The following GABRB1 variants were observed in gnomAD, a reference collection of about 807,000 sequenced individuals.
GABRB1 encodes the protein gamma-aminobutyric acid type A receptor subunit beta1.
Under a neutral mutation model 51.6 loss-of-function variants are expected in GABRB1, and 17 were observed. The ratio of observed to expected loss-of-function variants is 0.33; its 90% CI spans 0.23 to 0.49. The LOEUF (loss-of-function observed/expected upper bound fraction) is 0.49. Among genes scored for constraint, GABRB1 ranks in the 20% least tolerant of loss-of-function variants. The pLI is 0.99. For missense variants in GABRB1, 410 were observed against 600.6 expected, an observed-to-expected ratio of 0.68 and a Z score of 3.32; for synonymous variants, 247 against 218.9, an observed-to-expected ratio of 1.13 and a Z score of -1.14.
At chr4:47,144,867 G>A (rs528913975) in intron 3 of GABRB1, among the ~76,000 whole-genome samples, 2 of 151,942 alleles carry the variant, frequency 1.3e-5, no homozygotes, top group South Asian at 4.2e-4. Flanking sequence ...TATAGAGTTG[G>A]GAAACAGATG....
chr4:47,093,253 A>G (rs938911242), intron 3 of GABRB1, among the ~76,000 whole-genome samples: 5 of 152,202 alleles, frequency 3.3e-5, no homozygotes, highest in Non-Finnish European at 7.3e-5. Flanking sequence ...GAATTCTATG[A>G]TTTACCAGTT....
chr4:47,311,382 A>T (rs527837886), intron 4 of GABRB1, among the ~76,000 whole-genome samples: 9 of 149,300 alleles, frequency 6.0e-5, no homozygotes, highest in South Asian at 2.2e-4. Flanking sequence ...ACTGCACTCC[A>T]GCCTGGATAA....
At chr4:47,191,824 T>C (rs1313108569) in intron 4 of GABRB1, among the ~76,000 whole-genome samples, 4 of 151,848 alleles carry the variant, frequency 2.6e-5, no homozygotes, top group Non-Finnish European at 5.9e-5. Flanking sequence ...AAACTGAAAA[T>C]ACAACAGATG....
At chr4:47,126,096 A>G (rs754621701) in intron 3 of GABRB1, among the ~76,000 whole-genome samples, 2 of 152,030 alleles carry the variant, frequency 1.3e-5, no homozygotes, top group Non-Finnish European at 2.9e-5. Context: ...ACACAATGCA[A>G]TATTATCCAG....
At chr4:47,135,387 C>T (rs1716597807) in intron 3 of GABRB1, among the ~76,000 whole-genome samples, 1 of 151,964 alleles carries the variant, frequency 6.6e-6, no homozygotes, top group Non-Finnish European at 1.5e-5. Context: ...TATGGCAGCC[C>T]ACATTACTTC....
At chr4:47,057,030 T>C (rs1325861648) in intron 3 of GABRB1, among the ~76,000 whole-genome samples, 15 of 152,058 alleles carry the variant, frequency 9.9e-5, no homozygotes, top group Admixed American at 6.6e-5. Context: ...CGCCTGACCC[T>C]GGGAGACGAG....
At chr4:47,217,359 C>A (rs1019691459) in intron 4 of GABRB1, among the ~76,000 whole-genome samples, 5 of 151,662 alleles carry the variant, frequency 3.3e-5, no homozygotes, top group Admixed American at 6.6e-5. Context: ...TTTTTCATAT[C>A]CCAACATAGC....
intron 5 of GABRB1, among the ~76,000 whole-genome samples, chr4:47,397,089 T>G (rs962167699): frequency 9.2e-5 from 14 of 152,218 alleles, no homozygotes; most frequent in African/African-American, 3.4e-4. Context: ...TTTTTGTCTC[T>G]TATTTACTTT....
chr4:47,244,945 A>C (rs1450167589), intron 4 of GABRB1, among the ~76,000 whole-genome samples: 1 of 152,176 alleles, frequency 6.6e-6, no homozygotes, highest in Non-Finnish European at 1.5e-5. Context: ...CTAGAGAAGC[A>C]AGAGCAAACG....
At chr4:47,285,442 C>T (rs1471040562) in intron 4 of GABRB1, among the ~76,000 whole-genome samples, 1 of 152,174 alleles carries the variant, frequency 6.6e-6, no homozygotes, top group African/African-American at 2.4e-5. Context: ...TTATATAGAA[C>T]GTACAATGAA....
chr4:47,353,035 GCACTTCTTA>G (rs1205186422), intron 5 of GABRB1, among the ~76,000 whole-genome samples: 1 of 152,124 alleles, frequency 6.6e-6, no homozygotes, highest in Non-Finnish European at 1.5e-5. Flanking sequence ...GAGGCAAAAG[GCACTTCTTA>G]CATGATGGCA....
intron 4 of GABRB1, among the ~76,000 whole-genome samples, chr4:47,237,742 A>G (rs1198591494): frequency 6.6e-6 from 1 of 152,036 alleles, no homozygotes; most frequent in Non-Finnish European, 1.5e-5. Context: ...GCACAGCCAC[A>G]CATAAATGAT....
chr4:47,148,902 C>T (rs778051338), intron 3 of GABRB1, among the ~76,000 whole-genome samples: 5 of 151,910 alleles, frequency 3.3e-5, no homozygotes, highest in Non-Finnish European at 7.4e-5. Context: ...AGAAGTCAGC[C>T]TTGGGCAACA....
At chr4:47,262,915 C>G (rs927453106) in intron 4 of GABRB1, among the ~76,000 whole-genome samples, 1 of 151,416 alleles carries the variant, frequency 6.6e-6, no homozygotes, top group African/African-American at 2.4e-5. Flanking sequence ...AAGCTGGAAA[C>G]CATCATTCTC....
At chr4:47,282,993 G>A (rs1368842270) in intron 4 of GABRB1, among the ~76,000 whole-genome samples, 1 of 152,180 alleles carries the variant, frequency 6.6e-6, no homozygotes, top group Non-Finnish European at 1.5e-5. Context: ...TTCAAGAAGG[G>A]AAGAGAGAGA....
intron 4 of GABRB1, among the ~76,000 whole-genome samples, chr4:47,272,629 A>T (rs911209245): frequency 3.3e-5 from 5 of 152,156 alleles, no homozygotes; most frequent in African/African-American, 7.2e-5. Flanking sequence ...AATTCACCCT[A>T]GATGTCAAAT....
upstream of GABRB1, among the ~76,000 whole-genome samples, chr4:47,029,256 T>C (rs1002551133): frequency 1.3e-5 from 2 of 151,802 alleles, no homozygotes; most frequent in African/African-American, 4.8e-5. Flanking sequence ...GTCCAAAGAG[T>C]GGTACAAAGT....
At chr4:47,195,292 G>T (rs1266031402) in intron 4 of GABRB1, among the ~76,000 whole-genome samples, 1 of 152,024 alleles carries the variant, frequency 6.6e-6, no homozygotes, top group African/African-American at 2.4e-5. Context: ...GCGTGAACCC[G>T]GGAGGTGGAG....
rs1039189154 is a variant in GABRB1, at chr4:47,166,574, T to C, written c.461+5105T>C. Among the ~76,000 whole-genome samples the C allele has an allele frequency of 1.1e-4, 16 of 152,248 alleles. 1 individual carries two copies. The highest frequency in any genetic ancestry group is 7.2e-4 in the Admixed American group (11 of 15,262). ...ATTATGTGTTTGTTGCTGTTTACAT[T>C]ATTAGTAAGTCTTTTTATTAGTAAG... is the stretch of plus-strand genomic sequence containing the variant. On this transcript the variant is annotated intron_variant, in intron 4 of 8. Coordinates refer to ENST00000295454, the MANE Select transcript of GABRB1 (RefSeq NM_000812.4).
Sources: allele counts gnomAD v4.1 joint callset (sites outside exome capture counted in the v4.1 genomes callset), GRCh38; gene constraint gnomAD v4.1.1; transcripts MANE v1.5; gene names NCBI Gene and HGNC (gene_info 2026-07-23, HGNC 2026-07-21).